Variants in LAMA2 observed in about 807,000 individuals in gnomAD.
LAMA2 encodes laminin subunit alpha-2.
LAMA2 carries 269 observed loss-of-function variants against 364.8 expected under a neutral mutation model. The ratio of observed to expected loss-of-function variants is 0.74; its 90% CI spans 0.67 to 0.82. The LOEUF is 0.82. Ranked by LOEUF, LAMA2 falls within the 40% of genes least tolerant of loss-of-function variation. The pLI is 0.00. For synonymous variants in LAMA2, 1,379 were observed against 1,370.6 expected (o/e 1.01, Z -0.14); for missense variants, 3,807 against 3,873.2 (o/e 0.98, Z 0.45).
intron 12 of LAMA2, 126 bp downstream of exon 12, chr6:129,192,979 C>G (rs565816040): frequency 2.0e-6 from 2 of 1,019,510 alleles, no homozygotes; most frequent in African/African-American, 3.2e-5. Context: ...CCAGAACCAG[C>G]TAAATCACAT....
intron 10 of LAMA2, among the ~76,000 whole-genome samples, chr6:129,178,453 G>A (rs1780741880): frequency 6.6e-6 from 1 of 152,050 alleles, no homozygotes; most frequent in African/African-American, 2.4e-5. Context: ...TAACACCAAG[G>A]GATGCATTAC....
intron 3 of LAMA2, among the ~76,000 whole-genome samples, chr6:129,090,602 G>C (rs1023477410): frequency 1.3e-5 from 2 of 152,180 alleles, no homozygotes; most frequent in Non-Finnish European, 2.9e-5. Flanking sequence ...TGTGTGTCCA[G>C]TAGTGTTTCT....
chr6:129,306,178 T>G (rs1773854278), intron 22 of LAMA2, among the ~76,000 whole-genome samples: 1 of 151,966 alleles, frequency 6.6e-6, no homozygotes, highest in African/African-American at 2.4e-5. Context: ...CTTGTGTATA[T>G]CAATTTTAAT....
intron 1 of LAMA2, among the ~76,000 whole-genome samples, chr6:128,952,804 A>G (rs1035836645): frequency 3.9e-5 from 6 of 152,188 alleles, no homozygotes; most frequent in African/African-American, 1.4e-4. Context: ...TTGAGCATCT[A>G]TTGACACCTC....
chr6:129,382,242 T>G lies in LAMA2; in HGVS notation c.4960-880T>G, dbSNP rs1407979794. 2.0e-5 allele frequency among the ~76,000 whole-genome samples: 3 copies of G among 152,304 alleles called. No individual in the cohort carries two copies. The East Asian group carries it at 5.8e-4, about 29-fold the overall frequency. On this transcript the variant is annotated intron_variant, in intron 34 of 64. Coordinates refer to ENST00000421865, the MANE Select transcript of LAMA2 (RefSeq NM_000426.4). ...AGTAAAAGAGAAGAAGGCTTATATA[T>G]TAGCATATGCAACACATAGAAAAAT...
chr6:129,098,129 A>C lies in LAMA2; in HGVS notation c.397-44A>C, dbSNP rs147212193. 4.5e-5 allele frequency: 72 copies of C among 1,598,650 alleles called. No individual in the cohort carries two copies. The African/African-American group carries it at 8.7e-4, about 19-fold the overall frequency. On this transcript the variant is annotated intron_variant, in intron 3 of 64. Transcript: ENST00000421865. ...TTATATTTGACATAAAATGATGAGA[A>C]TATTTGGGAATTCAATGTTATTGTT...
intron 31 of LAMA2, among the ~76,000 whole-genome samples, chr6:129,351,173 T>C (rs1001491107): frequency 6.6e-6 from 1 of 152,138 alleles, no homozygotes; most frequent in Non-Finnish European, 1.5e-5. Flanking sequence ...AAAAAGATTA[T>C]CTACAGTAAT....
Position 129,219,238 on chromosome 6 carries a change from A to T in LAMA2, c.1782+26385A>T, listed in dbSNP as rs899379361. On this transcript the variant is annotated intron_variant, in intron 12 of 64. Transcript: ENST00000421865. ...AACACATGAAAAAATGCTCACCATC[A>T]CTGGCCATCAGAGAAATGCAAATCA... Among the ~76,000 whole-genome samples, 16 of 152,330 alleles carry T rather than the reference A, an allele frequency of 1.1e-4. No individual in the cohort carries two copies. In the South Asian group the frequency reaches 1.7e-3, roughly 16 times the overall value.
At chr6:129,051,833 G>A (rs78016723) in intron 2 of LAMA2, among the ~76,000 whole-genome samples, 6,405 of 151,910 alleles carry the variant, frequency 0.042, 382 homozygotes, top group African/African-American at 0.13. Context: ...TCAGAGACTG[G>A]TGGCCTTGAA....
intron 1 of LAMA2, among the ~76,000 whole-genome samples, chr6:128,911,806 C>A (rs1294083303): frequency 6.6e-6 from 1 of 152,202 alleles, no homozygotes; most frequent in Non-Finnish European, 1.5e-5. Context: ...AAGGCCCTCA[C>A]TGTTTTTTTG....
intron 12 of LAMA2, among the ~76,000 whole-genome samples, chr6:129,226,222 G>A (rs1009906746): frequency 6.6e-6 from 1 of 152,076 alleles, no homozygotes; most frequent in Non-Finnish European, 1.5e-5. Context: ...TTGAGCCTGT[G>A]TGTGTCTCTG....
At chr6:129,014,253 A>G (rs1402614269) in intron 1 of LAMA2, among the ~76,000 whole-genome samples, 1 of 152,224 alleles carries the variant, frequency 6.6e-6, no homozygotes, top group East Asian at 1.9e-4. Flanking sequence ...TCTGTATGCC[A>G]TCTGTTCTGG....
intron 40 of LAMA2, among the ~76,000 whole-genome samples, chr6:129,425,297 C>T (rs1364537746): frequency 1.3e-5 from 2 of 152,024 alleles, no homozygotes; most frequent in African/African-American, 2.4e-5. Context: ...TATTAGTCAT[C>T]TCTGGTCATA....
At position 129,402,497 on chromosome 6, in the gene LAMA2, T is replaced by C; in HGVS notation, c.5726+10T>C. The C allele has an allele frequency of 6.2e-7, 1 of 1,613,830 alleles. No homozygotes were observed. On this transcript the variant is annotated intron_variant, in intron 39 of 64. Transcript: ENST00000421865. Reference sequence around the variant, plus strand: ...CTGCTGTCCTTGATGGGTATGTCATTTGTTTTTGGAAATGTTTGTGTATTT... The same window carrying C: ...CTGCTGTCCTTGATGGGTATGTCATCTGTTTTTGGAAATGTTTGTGTATTT...
chr6:129,255,438 C>T (rs1786589074), intron 14 of LAMA2, among the ~76,000 whole-genome samples: 1 of 132,300 alleles, frequency 7.6e-6, no homozygotes, highest in Admixed American at 7.6e-5. Flanking sequence ...AAAAAAAAGC[C>T]TGGAATACTG....
rs117817771 is a variant in LAMA2 at position 129,084,457 on chromosome 6, T to C, written c.397-13716T>C. ...TTGTTCATGTCAAGAATATCTACAATTCAAATCATGACCTTCTTTTGGCTT... is the reference window on the plus strand; with the variant it reads ...TTGTTCATGTCAAGAATATCTACAACTCAAATCATGACCTTCTTTTGGCTT... On this transcript the variant is annotated intron_variant, in intron 3 of 64. Transcript: ENST00000421865. 1.8e-3 allele frequency among the ~76,000 whole-genome samples: 269 copies of C among 152,258 alleles called. 1 individual carries two copies. Among genetic ancestry groups the C allele is most frequent in the East Asian group, 0.016 (85 of 5,182 alleles).
intron 1 of LAMA2, among the ~76,000 whole-genome samples, chr6:128,975,653 A>G (rs946941425): frequency 1.2e-4 from 19 of 152,132 alleles, no homozygotes; most frequent in Admixed American, 5.2e-4. Context: ...GGTCTTTCCC[A>G]TGCTTTTCTC....
chr6:129,362,417 C>T (rs1302132836), intron 32 of LAMA2, among the ~76,000 whole-genome samples: 4 of 152,078 alleles, frequency 2.6e-5, no homozygotes, highest in Non-Finnish European at 2.9e-5. Flanking sequence ...TCCCTCTTCC[C>T]CTCTTCCCCT....
chr6:128,957,220 G>C (rs911606988), intron 1 of LAMA2, among the ~76,000 whole-genome samples: 1 of 152,020 alleles, frequency 6.6e-6, no homozygotes, highest in African/African-American at 2.4e-5. Context: ...TGTATATAAA[G>C]GTATTTGGAC....
Sources: gnomAD v4.1 joint callset for allele counts (sites outside exome capture counted in the v4.1 genomes callset) on GRCh38, gnomAD v4.1.1 for gene constraint, MANE v1.5 for transcripts, NCBI Gene and HGNC (gene_info 2026-07-23, HGNC 2026-07-21) for gene names.